PUS10: variants seen among roughly 807,000 people sequenced by gnomAD.
PUS10 encodes the protein pseudouridine synthase 10.
In PUS10, 59 loss-of-function variants were observed where a neutral mutation model predicts 75.0. The ratio of observed to expected loss-of-function variants is 0.79; its 90% confidence interval spans 0.64 to 0.98. The LOEUF is 0.98. PUS10 is among the 50% of genes least tolerant of loss of function. The probability of loss-of-function intolerance (pLI) is 0.00; values close to 1 mark genes in which losing one functional copy is unlikely to be tolerated. For synonymous variants in PUS10, 219 were observed against 211.6 expected, an observed-to-expected ratio of 1.03 and a Z score of -0.30; for missense variants, 650 against 614.4, an observed-to-expected ratio of 1.06 and a Z score of -0.61.
chr2:60,950,584 A>AT (rs1256858768), intron 15 of PUS10, among the ~76,000 whole-genome samples: 14 of 151,966 alleles, frequency 9.2e-5, no homozygotes, highest in Non-Finnish European at 1.9e-4. Context: ...CACCTGGCTA[A>AT]TTTTTTGTAT....
chr2:60,989,709 C>T (rs1677956260), intron 4 of PUS10, among the ~76,000 whole-genome samples: 1 of 152,262 alleles, frequency 6.6e-6, no homozygotes, highest in Non-Finnish European at 1.5e-5. Flanking sequence ...ACCTCCTCCT[C>T]CTGAGCTCAA....
intron 4 of PUS10, among the ~76,000 whole-genome samples, chr2:60,978,492 C>G (rs964844359): frequency 4.0e-5 from 6 of 149,088 alleles, no homozygotes; most frequent in Non-Finnish European, 5.9e-5. Flanking sequence ...ACAGAGGAAA[C>G]CCAAAGGTGC....
chr2:60,991,779 T>C (rs1207405400), intron 4 of PUS10, among the ~76,000 whole-genome samples: 1 of 152,144 alleles, frequency 6.6e-6, no homozygotes, highest in Non-Finnish European at 1.5e-5. Flanking sequence ...TTATCCCTAA[T>C]TCTGTTTAAC....
intron 4 of PUS10, among the ~76,000 whole-genome samples, chr2:60,991,191 TA>T (rs1367880479): frequency 6.6e-6 from 1 of 152,034 alleles, no homozygotes; most frequent in East Asian, 1.9e-4. Context: ...ACCTATACTT[TA>T]AAAAACAAAA....
chr2:60,960,580 G>A, intron 10 of PUS10, 63 bp from the exon 11 acceptor site: 1 of 1,477,312 alleles, frequency 6.8e-7, no homozygotes, highest in Non-Finnish European at 9.0e-7. Context: ...AGGATAAAAA[G>A]AGAAGCAACA....
intron 2 of PUS10, chr2:61,010,798 C>A: frequency 6.5e-7 from 1 of 1,550,340 alleles, no homozygotes. Context: ...GTTTTGAATT[C>A]AGTCAGACTG....
rs1674847891 is a variant in PUS10, at chr2:60,944,925, G to A, written c.1551+84C>T. 3.3e-6 allele frequency: 3 copies of A among 895,810 alleles called. No homozygotes were observed. In the Admixed American group the frequency reaches 5.2e-5, roughly 16 times the overall value. 55.5% of individuals were successfully genotyped at this position (895,810 alleles called of 1,614,324 possible). On this transcript the variant is annotated intron_variant, in intron 17 of 17. Transcript: ENST00000316752. ...TTCTCAAATACCTATGGAGGTGGGTGATACTAAAATGGCTTAATGCCAAAG... is the reference window on the plus strand; with the variant it reads ...TTCTCAAATACCTATGGAGGTGGGTAATACTAAAATGGCTTAATGCCAAAG...
chr2:60,965,381 TAAC>T (rs1214034269), intron 7 of PUS10, 39 bp downstream of exon 7: 10 of 1,475,660 alleles, frequency 6.8e-6, no homozygotes, highest in African/African-American at 1.4e-5. Context: ...CAAACAGCAT[TAAC>T]AATTTTACAC....
chr2:61,004,628 C>CAAA lies in PUS10; in HGVS notation c.468+1926_468+1928dup, dbSNP rs70959883. On this transcript the variant is annotated intron_variant, in intron 4 of 17. Transcript: ENST00000316752. ...TGCGTGACAGAGACAGACTCCGTCT[C>CAAA]AAAAAAAAAAAAAAAAAAAAAAAGA... Among the ~76,000 whole-genome samples the CAAA allele has an allele frequency of 3.0e-3, 205 of 67,246 alleles. 3 individuals carry two copies. The highest frequency in any genetic ancestry group is 9.5e-3 in the African/African-American group (168 of 17,634). The allele number at this position is 67,246 out of a possible 152,430, so 44.1% of individuals were successfully genotyped here.
At chr2:60,944,167 A>T (rs775289515) in intron 17 of PUS10, 65 of 959,896 alleles carry the variant, frequency 6.8e-5, no homozygotes, top group Non-Finnish European at 8.1e-5. Context: ...TTTCTTTAAC[A>T]GAAGGTTTTC....
chr2:60,960,843 T>TAAAAAAAAAAAAAAAA (rs34578958), intron 10 of PUS10, among the ~76,000 whole-genome samples: 1 of 120,664 alleles, frequency 8.3e-6, no homozygotes, highest in African/African-American at 3.1e-5. Flanking sequence ...ATACCAAGGA[T>TAAAAAAAAAAAAAAAA]AAAAAAAAAA....
chr2:60,968,191 CA>C (rs1311471667), intron 5 of PUS10, among the ~76,000 whole-genome samples: 1 of 152,052 alleles, frequency 6.6e-6, no homozygotes, highest in Non-Finnish European at 1.5e-5. Context: ...GACATTCCCC[CA>C]AAATATACTC....
chr2:61,007,235 A>AAAAG (rs1679275975), intron 3 of PUS10, among the ~76,000 whole-genome samples: 1 of 151,784 alleles, frequency 6.6e-6, no homozygotes, highest in Non-Finnish European at 1.5e-5. Flanking sequence ...TTTTAAAAAA[A>AAAAG]AGAAAATATT....
intron 4 of PUS10, among the ~76,000 whole-genome samples, chr2:61,000,671 T>C (rs1236207913): frequency 3.9e-5 from 6 of 152,214 alleles, no homozygotes; most frequent in Non-Finnish European, 5.9e-5. Context: ...CTGACCTTTG[T>C]GGCCAACTTT....
At chr2:60,983,314 T>C (rs1677519221) in intron 4 of PUS10, among the ~76,000 whole-genome samples, 1 of 152,170 alleles carries the variant, frequency 6.6e-6, no homozygotes, top group Non-Finnish European at 1.5e-5. Flanking sequence ...GAGAAAAATA[T>C]AATTATTACA....
At chr2:60,977,548 A>T (rs1428340142) in intron 4 of PUS10, among the ~76,000 whole-genome samples, 3 of 152,172 alleles carry the variant, frequency 2.0e-5, no homozygotes, top group Non-Finnish European at 4.4e-5. Flanking sequence ...TATAACCATC[A>T]TTTTTGTACT....
intron 6 of PUS10, chr2:60,966,720 G>A (rs928060887): frequency 1.2e-4 from 19 of 152,264 alleles, no homozygotes; most frequent in African/African-American, 4.6e-4. Context: ...TCGGTTTACA[G>A]AACAGAGCAT....
chr2:60,954,220 T>C lies in PUS10; in HGVS notation c.1058-62A>G, dbSNP rs369242671. On this transcript the variant is annotated intron_variant, in intron 12 of 17. Transcript: ENST00000316752. The stretch of plus-strand genomic sequence containing the variant: ...TTGATGGAGTTAACATTTGGGCTAA[T>C]GCAAGAGGGTTAGGAGGTGTGAAAA... 3.3e-6 allele frequency: 5 copies of C among 1,527,268 alleles called. No individual in the cohort carries two copies. In the African/African-American group the frequency reaches 5.5e-5, roughly 17 times the overall value. 94.6% of individuals were successfully genotyped at this position (1,527,268 alleles called of 1,614,324 possible).
At chr2:60,942,689 G>T (rs977777007) in intron 17 of PUS10, among the ~76,000 whole-genome samples, 1 of 152,112 alleles carries the variant, frequency 6.6e-6, no homozygotes, top group East Asian at 1.9e-4. Flanking sequence ...ACTGATAAGA[G>T]AATACATTTA....
Sources: gnomAD v4.1 joint callset for allele counts (sites outside exome capture counted in the v4.1 genomes callset) on GRCh38, gnomAD v4.1.1 for gene constraint, MANE v1.5 for transcripts, NCBI Gene and HGNC (gene_info 2026-07-23, HGNC 2026-07-21) for gene names.